NCAPD3: variants seen among roughly 807,000 people sequenced by gnomAD.
NCAPD3 encodes the protein non-SMC condensin II complex subunit D3.
Under a neutral mutation model 182.9 loss-of-function variants are expected in NCAPD3, and 105 were observed. The ratio of observed to expected loss-of-function variants is 0.57; its 90% confidence interval spans 0.49 to 0.68. NCAPD3 has a LOEUF of 0.68. Among genes scored for constraint, NCAPD3 ranks in the 30% least tolerant of loss-of-function variants. NCAPD3 has a pLI of 0.00. For missense variants in NCAPD3, 1,944 were observed against 1,837.0 expected, an observed-to-expected ratio of 1.06 and a Z score of -1.07; for synonymous variants, 815 against 679.9, an observed-to-expected ratio of 1.20 and a Z score of -3.09.
In NCAPD3 at chr11:134,177,282, A is replaced by T; in HGVS notation, c.2958T>A (p.Cys986Ter). The change falls in exon 23 of 35, where the codon TGT becomes TGA. Residue 986 changes from cysteine to a stop codon, truncating the protein, a stop_gained. Transcript: ENST00000534548. LOFTEE classifies it high-confidence loss of function. ...GGATGAATGGGTCGGAATCCTTCAG[A>T]CACATGGAGATGTTGGGAATATACT... ...VDKYIPNISM[C>*]LKDSDPFIRK... is the part of the protein sequence containing the mutation. 2 of 1,614,228 alleles carry T rather than the reference A, an allele frequency of 1.2e-6. No homozygotes were observed. The highest frequency in any genetic ancestry group is 1.7e-6 in the Non-Finnish European group (2 of 1,180,038).
chr11:134,156,091 T>A (rs1361120947), intron 32 of NCAPD3, among the ~76,000 whole-genome samples: 1 of 152,132 alleles, frequency 6.6e-6, no homozygotes, highest in African/African-American at 2.4e-5. Flanking sequence ...GCTCTCATCT[T>A]CCCCTGCAGT....
upstream of NCAPD3, chr11:134,225,174 G>T (rs1480395792): frequency 6.2e-7 from 1 of 1,613,926 alleles, no homozygotes; most frequent in East Asian, 2.2e-5. Context: ...CCTTCTGAAC[G>T]ATGCAGAGAG....
At chr11:134,182,862 A>G (rs1448259260) in intron 19 of NCAPD3, among the ~76,000 whole-genome samples, 3 of 152,254 alleles carry the variant, frequency 2.0e-5, no homozygotes, top group Admixed American at 2.0e-4. Context: ...AGCGGGTCAC[A>G]TGGATTGAAA....
At chr11:134,187,237 TTGCGCTGAGACTC>T (rs1007078875) in intron 16 of NCAPD3, among the ~76,000 whole-genome samples, 33 of 152,240 alleles carry the variant, frequency 2.2e-4, no homozygotes, top group Admixed American at 2.1e-3. Context: ...CTGACTACTC[TTGCGCTGAGACTC>T]TGGTCCACCA....
intron 22 of NCAPD3, chr11:134,178,372 C>T (rs1944217654): frequency 3.3e-6 from 1 of 301,714 alleles, no homozygotes; most frequent in East Asian, 5.3e-5. Context: ...TTAACATAAC[C>T]CTACTGAAAA....
chr11:134,157,963 A>G lies in NCAPD3; in HGVS notation c.4139T>C (p.Leu1380Ser). Reference sequence around the variant, plus strand: ...CGTTTTTTCTGGGCTTCCAGAATTTAAAGTGAAAGGCAGCACTCCTAAGCT... The same window carrying G: ...CGTTTTTTCTGGGCTTCCAGAATTTGAAGTGAAAGGCAGCACTCCTAAGCT... Reference protein sequence around the residue: ...SRSLGVLPFTLNSGSPEKTCS... With the variant: ...SRSLGVLPFTSNSGSPEKTCS... Residue 1380 changes from leucine (L) to serine (S), a missense_variant, in exon 31 of 35, where the codon TTA becomes TCA. Coordinates refer to ENST00000534548, the MANE Select transcript of NCAPD3 (RefSeq NM_015261.3). 1 of 1,614,146 alleles carries G rather than the reference A, an allele frequency of 6.2e-7. No homozygotes were observed. Among genetic ancestry groups the G allele is most frequent in the Non-Finnish European group, 8.5e-7 (1 of 1,180,014 alleles).
intron 3 of NCAPD3, among the ~76,000 whole-genome samples, chr11:134,216,016 C>T (rs1163401044): frequency 6.6e-6 from 1 of 152,160 alleles, no homozygotes; most frequent in African/African-American, 2.4e-5. Flanking sequence ...GCATAAATCT[C>T]AACCTTAATC....
At chr11:134,225,164 C>A (rs1272604488), upstream of NCAPD3, 10 of 1,613,728 alleles carry the variant, frequency 6.2e-6, no homozygotes, top group Non-Finnish European at 7.6e-6. Flanking sequence ...AGGTGGAAAT[C>A]CTTCTGAACG....
At chr11:134,154,156 C>T (rs1943349109) in intron 32 of NCAPD3, 1 of 152,332 alleles carries the variant, frequency 6.6e-6, no homozygotes, top group African/African-American at 2.4e-5. Flanking sequence ...ATGAGGTTAT[C>T]CACGTTGAGT....
At chr11:134,207,088 AGAACGATACTTTACACCTG>A (rs2136015934) in intron 7 of NCAPD3, among the ~76,000 whole-genome samples, 1 of 152,346 alleles carries the variant, frequency 6.6e-6, no homozygotes, top group African/African-American at 2.4e-5. Context: ...AAAAGGGGAA[AGAACGATACTTTACACCTG>A]CTTTTTGCCT....
intron 27 of NCAPD3, among the ~76,000 whole-genome samples, chr11:134,165,827 G>T (rs1340373896): frequency 6.8e-6 from 1 of 146,342 alleles, no homozygotes; most frequent in African/African-American, 2.6e-5. Flanking sequence ...GATGAGCTTG[G>T]GGGAGGCGCA....
At chr11:134,160,508 G>A (rs1943547709) in intron 28 of NCAPD3, among the ~76,000 whole-genome samples, 1 of 152,176 alleles carries the variant, frequency 6.6e-6, no homozygotes, top group South Asian at 2.1e-4. Context: ...GGATCTAAAA[G>A]CTGCTCATCT....
At chr11:134,161,090 G>A (rs1473484303) in intron 28 of NCAPD3, among the ~76,000 whole-genome samples, 1 of 151,992 alleles carries the variant, frequency 6.6e-6, no homozygotes, top group African/African-American at 2.4e-5. Flanking sequence ...TATATTCAAT[G>A]TAATTTTTGT....
intron 3 of NCAPD3, among the ~76,000 whole-genome samples, chr11:134,212,375 T>TGTGTGTGTGTGTGTGTGTG (rs1937866526): frequency 7.0e-6 from 1 of 143,172 alleles, no homozygotes; most frequent in African/African-American, 2.7e-5. Context: ...TTTTGTTGTT[T>TGTGTGTGTGTGTGTGTGTG]TGTGTGTGTG....
In NCAPD3 at chr11:134,153,148, A is replaced by G; in HGVS notation, c.4380T>C (p.Pro1460=). ...AACACTGCTAAACTTACGGTTTATCAGGCAGTGATAAACATAAGATGTCAT... is the reference window on the plus strand; with the variant it reads ...AACACTGCTAAACTTACGGTTTATCGGGCAGTGATAAACATAAGATGTCAT... The part of the protein sequence containing the change: ...QGNDILCLSL[P]DKPPPQPQQW... Residue 1460 remains proline (P), a synonymous_variant, in exon 34 of 35, where the codon CCT becomes CCC. Transcript: ENST00000534548. The G allele has an allele frequency of 1.2e-6, 2 of 1,614,138 alleles. No individual in the cohort carries two copies. Among genetic ancestry groups the G allele is most frequent in the South Asian group, 1.1e-5 (1 of 91,078 alleles).
At chr11:134,162,955 T>A (rs553123292) in intron 27 of NCAPD3, among the ~76,000 whole-genome samples, 1 of 152,142 alleles carries the variant, frequency 6.6e-6, no homozygotes, top group East Asian at 1.9e-4. Context: ...ATCCTGAGGA[T>A]GTGTGGAGAA....
At position 134,209,333 on chromosome 11, in the gene NCAPD3, A is replaced by G; in HGVS notation, c.712T>C (p.Cys238Arg). The G allele has an allele frequency of 6.2e-7, 1 of 1,613,920 alleles. No individual in the cohort carries two copies. The highest frequency in any genetic ancestry group is 1.3e-5 in the African/African-American group (1 of 74,998). ...PKFSLKEKPQ[C>R]VQNCIEVFVS... ...CTTACCTCTATACAATTCTGTACAC[A>G]TTGTGGCTTTTCTTTCAAGGAAAAC... Residue 238 changes from cysteine to arginine, a missense_variant, in exon 5 of 35, where the codon TGT becomes CGT. By Grantham distance (180) the Cys-to-Arg change is radical. Around this residue, in one of 3 missense-constraint regions of NCAPD3, gnomAD observed 1,803 missense variants for 1,674.6 expected, o/e 1.08. Transcript: ENST00000534548.
rs772289958 is a variant in NCAPD3 at position 134,204,122 on chromosome 11, T to C, written c.1139A>G (p.Gln380Arg). 3.7e-6 allele frequency: 6 copies of C among 1,613,962 alleles called. No individual in the cohort carries two copies. The African/African-American group carries it at 6.7e-5, about 18-fold the overall frequency. The change falls in exon 10 of 35, where the codon CAG (glutamine) becomes CGG (arginine). Residue 380 changes from glutamine (Q) to arginine (R), a missense_variant. This residue lies in a region of NCAPD3 where 1,803 missense variants were observed against 1,674.6 expected (regional missense o/e 1.08). Transcript: ENST00000534548. The surrounding 1 kb of genome is among the most constrained non-coding windows in gnomAD (Gnocchi z 4.3). Reference protein sequence around the residue: ...YRTFAAQSLVQLLSKLPCGEY... With the variant: ...YRTFAAQSLVRLLSKLPCGEY... ...CCCACAAGGAAGTTTACTGAGCAGC[T>C]GGACTAGGGACTGGGCTGCAAAAGT...
At position 134,194,721 on chromosome 11, in the gene NCAPD3, T is replaced by C; in HGVS notation, c.1633A>G (p.Met545Val). 1.2e-6 allele frequency: 2 copies of C among 1,609,026 alleles called. No individual in the cohort carries two copies. Among genetic ancestry groups the C allele is most frequent in the Non-Finnish European group, 1.7e-6 (2 of 1,177,446 alleles). Residue 545 changes from methionine to valine, a missense_variant, in exon 14 of 35, where the codon ATG becomes GTG. Physicochemically the swap from Met to Val is conservative, Grantham distance 21. Transcript: ENST00000534548. ...TCATCCCTGATCCTCCTTCTCAGCA[T>C]TGCCATGACACATCTTTCTGTAGAG... Reference protein sequence around the residue: ...VGSGERCVMAMLRRRIRDEKT... With the variant: ...VGSGERCVMAVLRRRIRDEKT...
Sources: allele counts gnomAD v4.1 joint callset (sites outside exome capture counted in the v4.1 genomes callset), GRCh38; gene constraint gnomAD v4.1.1; regional missense constraint gnomAD v4.1.1; non-coding constraint Gnocchi (gnomAD v3.1); transcripts MANE v1.5; gene names NCBI Gene and HGNC (gene_info 2026-07-23, HGNC 2026-07-21).